The following SUPT3H variants were observed in gnomAD, a reference collection of about 807,000 sequenced individuals.
SUPT3H encodes transcription initiation protein SPT3 homolog.
A neutral mutation model predicts 44.3 loss-of-function variants in SUPT3H; 44 were observed. The observed-to-expected ratio is 0.99, with a 90% CI of 0.78 to 1.28. SUPT3H has a LOEUF of 1.28. Among genes scored for constraint, SUPT3H ranks in the 50% most tolerant of loss-of-function variants. SUPT3H has a pLI of 0.00. For missense variants in SUPT3H, 380 were observed against 387.1 expected (o/e 0.98, Z 0.15); for synonymous variants, 124 against 125.6 (o/e 0.99, Z 0.09).
At chr6:45,255,164 G>GA (rs1174726458) in intron 2 of SUPT3H, among the ~76,000 whole-genome samples, 2 of 151,998 alleles carry the variant, frequency 1.3e-5, no homozygotes, top group East Asian at 3.9e-4. Context: ...ATCTGTATGG[G>GA]AAAAAACACT....
chr6:45,143,871 C>G (rs1263138676), intron 2 of SUPT3H, among the ~76,000 whole-genome samples: 1 of 152,096 alleles, frequency 6.6e-6, no homozygotes. Context: ...GATATTACAA[C>G]TGATACCACA....
intron 3 of SUPT3H, among the ~76,000 whole-genome samples, chr6:45,078,120 G>C (rs760304674): frequency 6.6e-6 from 1 of 152,098 alleles, no homozygotes; most frequent in Non-Finnish European, 1.5e-5. Context: ...TGATCTGCCC[G>C]CCTTGGCCTC....
At chr6:45,047,259 A>C (rs191800438) in intron 3 of SUPT3H, among the ~76,000 whole-genome samples, 1 of 152,236 alleles carries the variant, frequency 6.6e-6, no homozygotes, top group East Asian at 1.9e-4. Flanking sequence ...TGGTGAAAGG[A>C]GCATCCTTGC....
intron 2 of SUPT3H, among the ~76,000 whole-genome samples, chr6:45,276,204 T>G (rs1325511788): frequency 5.3e-5 from 8 of 152,088 alleles, no homozygotes; most frequent in Non-Finnish European, 1.2e-4. Flanking sequence ...CTAAAAACAG[T>G]GTTTGAATAA....
At chr6:44,856,016 T>C (rs931894614) in intron 10 of SUPT3H, among the ~76,000 whole-genome samples, 1 of 152,180 alleles carries the variant, frequency 6.6e-6, no homozygotes, top group Admixed American at 6.5e-5. Context: ...TCGGTCCTCT[T>C]TTATTGTACC....
chr6:45,163,717 G>C (rs1047877796), intron 2 of SUPT3H, among the ~76,000 whole-genome samples: 1 of 150,974 alleles, frequency 6.6e-6, no homozygotes, highest in African/African-American at 2.4e-5. Flanking sequence ...CTTGTTGTCA[G>C]AGGATCACTG....
At chr6:44,901,140 C>T (rs996975953) in intron 10 of SUPT3H, among the ~76,000 whole-genome samples, 1 of 146,630 alleles carries the variant, frequency 6.8e-6, no homozygotes, top group Admixed American at 6.7e-5. Flanking sequence ...AGGAACGCAG[C>T]TCCTCACCAG....
intron 10 of SUPT3H, among the ~76,000 whole-genome samples, chr6:44,906,970 G>A (rs769408842): frequency 4.6e-5 from 7 of 152,234 alleles, no homozygotes; most frequent in Non-Finnish European, 8.8e-5. Flanking sequence ...GATGTGGAAT[G>A]TAGACGGACA....
At chr6:45,182,004 G>C (rs1448733948) in intron 2 of SUPT3H, among the ~76,000 whole-genome samples, 1 of 152,088 alleles carries the variant, frequency 6.6e-6, no homozygotes, top group Non-Finnish European at 1.5e-5. Context: ...CAGTGGTTGA[G>C]AGTAAGCCCA....
chr6:45,304,713 A>G (rs565657991), intron 2 of SUPT3H, among the ~76,000 whole-genome samples: 1 of 150,078 alleles, frequency 6.7e-6, no homozygotes, highest in Non-Finnish European at 1.5e-5. Flanking sequence ...AATGGCTTCA[A>G]TGATTTTTTT....
At chr6:44,976,327 A>AAAAGC (rs1237853236) in intron 6 of SUPT3H, among the ~76,000 whole-genome samples, 1 of 152,192 alleles carries the variant, frequency 6.6e-6, no homozygotes, top group African/African-American at 2.4e-5. Flanking sequence ...ATACTTAAGA[A>AAAAGC]AAAGCAGAAA....
chr6:44,981,407 G>A (rs1779076524), intron 6 of SUPT3H, among the ~76,000 whole-genome samples: 1 of 152,160 alleles, frequency 6.6e-6, no homozygotes, highest in Admixed American at 6.5e-5. Flanking sequence ...TATTTGAAAA[G>A]GAATGGACTG....
At chr6:45,160,094 C>G (rs570960403) in intron 2 of SUPT3H, among the ~76,000 whole-genome samples, 18 of 152,076 alleles carry the variant, frequency 1.2e-4, no homozygotes, top group Non-Finnish European at 2.2e-4. Flanking sequence ...TAGCATGTAC[C>G]TCTCAAATGG....
intron 2 of SUPT3H, among the ~76,000 whole-genome samples, chr6:45,266,162 A>AT (rs5875916): frequency 0.74 from 111,495 of 150,640 alleles, 42,099 homozygotes; most frequent in East Asian, 0.97. Flanking sequence ...TAACCTGACA[A>AT]TTTTTTTTTT....
Position 45,044,180 on chromosome 6 carries a change from T to G in SUPT3H, c.187-23548A>C, listed in dbSNP as rs559556871. ...TGGTAGTGTCCATTCATTGATTTCT[T>G]AAGCCTCTGTGCCAATCTCTATTAT... On this transcript the variant is annotated intron_variant, in intron 3 of 10. Coordinates refer to ENST00000371459, the MANE Select transcript of SUPT3H (RefSeq NM_003599.4). Among the ~76,000 whole-genome samples the G allele has an allele frequency of 5.9e-5, 9 of 152,306 alleles. No individual in the cohort carries two copies. The East Asian group carries it at 1.7e-3, about 29-fold the overall frequency.
At chr6:44,937,348 G>T (rs1248363659) in intron 9 of SUPT3H, among the ~76,000 whole-genome samples, 1 of 152,002 alleles carries the variant, frequency 6.6e-6, no homozygotes, top group African/African-American at 2.4e-5. Context: ...AAAAAAATTA[G>T]CCAGGTGTGA....
intron 2 of SUPT3H, among the ~76,000 whole-genome samples, chr6:45,302,148 T>C (rs890026655): frequency 2.6e-5 from 4 of 152,060 alleles, no homozygotes; most frequent in Admixed American, 6.6e-5. Flanking sequence ...AAGGTGGTAT[T>C]TGGTCACATG....
intron 2 of SUPT3H, among the ~76,000 whole-genome samples, chr6:45,302,172 G>C (rs1782233154): frequency 6.6e-6 from 1 of 152,068 alleles, no homozygotes; most frequent in African/African-American, 2.4e-5. Context: ...AAGTTTTTTA[G>C]TGGTGATTTG....
At chr6:44,860,430 G>C (rs1236820993) in intron 10 of SUPT3H, among the ~76,000 whole-genome samples, 2 of 152,198 alleles carry the variant, frequency 1.3e-5, no homozygotes, top group African/African-American at 2.4e-5. Context: ...GACTGTAGGA[G>C]CTCGAATGGG....
Sources: allele counts gnomAD v4.1 joint callset (sites outside exome capture counted in the v4.1 genomes callset), GRCh38; gene constraint gnomAD v4.1.1; transcripts MANE v1.5; gene names NCBI Gene and HGNC (gene_info 2026-07-23, HGNC 2026-07-21).